The following GRIN2B variants were observed in gnomAD, a reference collection of about 807,000 sequenced individuals.
GRIN2B encodes the protein glutamate ionotropic receptor NMDA type subunit 2B.
GRIN2B carries 5 observed loss-of-function variants against 114.5 expected under a neutral mutation model. The ratio of observed to expected loss-of-function variants is 0.04; its 90% CI spans 0.02 to 0.09. The LOEUF is 0.09. Ranked by LOEUF, GRIN2B falls within the 10% of genes least tolerant of loss-of-function variation. The pLI is 1.00. For missense variants in GRIN2B, 1,108 were observed against 1,943.5 expected (o/e 0.57, Z 8.08); for synonymous variants, 787 against 745.1 (o/e 1.06, Z -0.92).
chr12:13,912,035 C>T (rs1279632241), intron 2 of GRIN2B, among the ~76,000 whole-genome samples: 1 of 152,074 alleles, frequency 6.6e-6, no homozygotes, highest in Non-Finnish European at 1.5e-5. Flanking sequence ...CCTCAGAACT[C>T]GCCTACTGCC....
intron 3 of GRIN2B, among the ~76,000 whole-genome samples, chr12:13,785,715 G>C (rs1864213074): frequency 6.6e-6 from 1 of 152,170 alleles, no homozygotes; most frequent in Non-Finnish European, 1.5e-5. Flanking sequence ...AGCACTCTAT[G>C]TGCATTCTCT....
At position 13,898,029 on chromosome 12, in the gene GRIN2B, A is replaced by AAAT. The variant is rs1565579321; in HGVS notation, c.-18-31804_-18-31803insATT. Among the ~76,000 whole-genome samples the AAAT allele has an allele frequency of 1.0e-4, 14 of 133,598 alleles. No individual in the cohort carries two copies. The South Asian group carries it at 1.9e-3, about 18-fold the overall frequency. The allele number at this position is 133,598 out of a possible 152,430, so 87.6% of individuals were successfully genotyped here. ...ATAAATAAATAAATAAATAAATAAA[A>AAAT]AAGAAAGGGCTACCTTTATACAGCA... On this transcript the variant is annotated intron_variant, in intron 2 of 13. Transcript: ENST00000609686.
intron 3 of GRIN2B, among the ~76,000 whole-genome samples, chr12:13,766,940 T>C (rs536039607): frequency 2.0e-5 from 3 of 152,246 alleles, no homozygotes; most frequent in Admixed American, 2.0e-4. Flanking sequence ...CTTTCAAATT[T>C]AAATCCAAGC....
intron 3 of GRIN2B, among the ~76,000 whole-genome samples, chr12:13,780,960 T>C (rs559394196): frequency 1.3e-5 from 2 of 152,174 alleles, no homozygotes; most frequent in South Asian, 2.1e-4. Context: ...ATATTTTATT[T>C]TTCTTAAGGA....
chr12:13,701,317 C>T (rs908980109), intron 4 of GRIN2B, among the ~76,000 whole-genome samples: 1 of 152,054 alleles, frequency 6.6e-6, no homozygotes, highest in African/African-American at 2.4e-5. Context: ...TTCTGACCAA[C>T]TCTAAGAAAC....
At chr12:13,611,937 G>C (rs1949370367) in intron 8 of GRIN2B, 87 bp from the exon 9 acceptor site, 1 of 1,406,150 alleles carries the variant, frequency 7.1e-7, no homozygotes, top group Admixed American at 1.7e-5. Context: ...CATATTTTAG[G>C]GGGTGGGGAA....
chr12:13,697,074 C>T (rs1399615252), intron 4 of GRIN2B, among the ~76,000 whole-genome samples: 1 of 152,080 alleles, frequency 6.6e-6, no homozygotes. Flanking sequence ...ATGATGAGCT[C>T]TTGGAAAATC....
chr12:13,950,613 T>G (rs219926), intron 2 of GRIN2B, among the ~76,000 whole-genome samples: 152,232 of 152,234 alleles, frequency 1, 76,115 homozygotes, highest in Non-Finnish European at 1. Flanking sequence ...CTGGCCTAGG[T>G]TTCTCATTTG....
At position 13,720,712 on chromosome 12, in the gene GRIN2B, C is replaced by T. The variant is rs116461845; in HGVS notation, c.1010+32605G>A. Among the ~76,000 whole-genome samples the T allele has an allele frequency of 8.6e-3, 1,304 of 152,086 alleles. 15 individuals are homozygous for T. Among genetic ancestry groups the T allele is most frequent in the African/African-American group, 0.029 (1,212 of 41,506 alleles). On this transcript the variant is annotated intron_variant, in intron 4 of 13. Transcript: ENST00000609686. ...TTATTTATAGGAGGGGCTTCCAGAA[C>T]TTCTATATAGAAAGAGCCTGAGTGG...
chr12:13,607,331 TA>T (rs1949278179), intron 10 of GRIN2B, among the ~76,000 whole-genome samples: 1 of 55,386 alleles, frequency 1.8e-5, no homozygotes, highest in African/African-American at 7.3e-5. Flanking sequence ...ATATATAATA[TA>T]TATTATATAT....
intron 2 of GRIN2B, among the ~76,000 whole-genome samples, chr12:13,948,769 TGTG>T (rs1167632339): frequency 6.6e-6 from 1 of 152,068 alleles, no homozygotes; most frequent in African/African-American, 2.4e-5. Flanking sequence ...ACTCAAAAGT[TGTG>T]GTGCTGCGAC....
At chr12:13,751,716 T>C (rs1031252684) in intron 4 of GRIN2B, among the ~76,000 whole-genome samples, 9 of 152,140 alleles carry the variant, frequency 5.9e-5, no homozygotes, top group African/African-American at 2.2e-4. Flanking sequence ...CAAAGAAACA[T>C]ATCTGGCCAC....
intron 5 of GRIN2B, among the ~76,000 whole-genome samples, chr12:13,623,935 C>T (rs996336888): frequency 6.6e-6 from 1 of 152,106 alleles, no homozygotes; most frequent in Non-Finnish European, 1.5e-5. Context: ...ACAGAGATGC[C>T]GTTTTGCTTT....
In GRIN2B at chr12:13,926,308, T is replaced by C. The variant is rs897949853; in HGVS notation, c.-19+53620A>G. On this transcript the variant is annotated intron_variant, in intron 2 of 13. Transcript: ENST00000609686. ...CTATCCCCCGTTCGTCACTTCCAGG[T>C]TCACTGCTCTTGTTCTGTACCTTAT... 1.3e-5 allele frequency among the ~76,000 whole-genome samples: 2 copies of C among 152,304 alleles called. 1 individual carries two copies. Among genetic ancestry groups the C allele is most frequent in the Middle Eastern group, 6.8e-3 (2 of 294 alleles).
chr12:13,709,465 G>A (rs979265065), intron 4 of GRIN2B, among the ~76,000 whole-genome samples: 1 of 151,914 alleles, frequency 6.6e-6, no homozygotes, highest in East Asian at 1.9e-4. Context: ...CGTCAGCAAA[G>A]ACACAGAAGA....
rs1436356311 is a variant in GRIN2B at position 13,557,740 on chromosome 12, T to A, written c.*5043A>T. ...CTTTGCCATCTAGAACCTGTATCCTTGTTCCCTACTCTATTGCTCTCAGTG... is the reference window on the plus strand; with the variant it reads ...CTTTGCCATCTAGAACCTGTATCCTAGTTCCCTACTCTATTGCTCTCAGTG... On this transcript the variant is annotated 3_prime_UTR_variant, in exon 14 of 14. Coordinates refer to ENST00000609686, the MANE Select transcript of GRIN2B (RefSeq NM_000834.5). 1 of 152,228 alleles carries A rather than the reference T, an allele frequency of 6.6e-6. No individual in the cohort carries two copies. The highest frequency in any genetic ancestry group is 2.4e-5 in the African/African-American group (1 of 41,458). The allele number at this position is 152,228 out of a possible 1,614,324, so 9.4% of individuals were successfully genotyped here. A position where few individuals can be genotyped will look rare whatever the true frequency, so the allele number is the denominator to read the frequency against.
rs1950353127 is a variant in GRIN2B, at chr12:13,705,635, A to T, written c.1011-29776T>A. On this transcript the variant is annotated intron_variant, in intron 4 of 13. Coordinates refer to ENST00000609686, the MANE Select transcript of GRIN2B (RefSeq NM_000834.5). ...ACCAGTCATTTTTGTTTTCACCAAAAATAGTCCACAAGCTTCCCCACATTG... is the reference window on the plus strand; with the variant it reads ...ACCAGTCATTTTTGTTTTCACCAAATATAGTCCACAAGCTTCCCCACATTG... Among the ~76,000 whole-genome samples the T allele has an allele frequency of 2.0e-5, 3 of 152,146 alleles. No homozygotes were observed. The South Asian group carries it at 6.2e-4, about 31-fold the overall frequency.
At chr12:13,621,607 GT>G (rs759603737) in intron 5 of GRIN2B, among the ~76,000 whole-genome samples, 1 of 27,692 alleles carries the variant, frequency 3.6e-5, no homozygotes, top group Non-Finnish European at 7.3e-5. Flanking sequence ...AAATTGCCTA[GT>G]TTTTGTTTTT....
At chr12:13,971,824 T>C (rs1862923090) in intron 2 of GRIN2B, among the ~76,000 whole-genome samples, 1 of 152,140 alleles carries the variant, frequency 6.6e-6, no homozygotes, top group Non-Finnish European at 1.5e-5. Context: ...CTCCCTAAGT[T>C]TCCTAACTTT....
Sources: allele counts gnomAD v4.1 joint callset (sites outside exome capture counted in the v4.1 genomes callset), GRCh38; gene constraint gnomAD v4.1.1; transcripts MANE v1.5; gene names NCBI Gene and HGNC (gene_info 2026-07-23, HGNC 2026-07-21).